The following LILRB3 variants were observed in gnomAD, a reference collection of about 807,000 sequenced individuals.
LILRB3 encodes the protein leukocyte immunoglobulin-like receptor subfamily B member 3.
In LILRB3, 32 loss-of-function variants were observed where a neutral mutation model predicts 68.2. The ratio of observed to expected loss-of-function variants is 0.47; its 90% CI spans 0.35 to 0.63. The LOEUF is 0.63. Among genes scored for constraint, LILRB3 ranks in the 30% least tolerant of loss-of-function variants. LILRB3 has a pLI of 0.00. For synonymous variants in LILRB3, 185 were observed against 323.1 expected, an observed-to-expected ratio of 0.57 and a Z score of 4.58; for missense variants, 502 against 791.3, an observed-to-expected ratio of 0.63 and a Z score of 4.39.
chr19:54,216,846 T>G, exon 13 of LILRB3: 3 of 1,383,432 alleles, frequency 2.2e-6, no homozygotes, highest in East Asian at 2.7e-5. Context: ...TTACGTCTGT[T>G]TTTGTTTTTT....
chr19:54,218,406 A>G (rs1132609), exon 11 of LILRB3: 1,149,625 of 1,613,964 alleles, frequency 0.71, 414,866 homozygotes, highest in African/African-American at 0.95. Context: ...TGTCCTTCAC[A>G]GCAGCATCTG....
chr19:54,216,850 G>GT (rs1013464270), exon 13 of LILRB3: 1 of 1,410,410 alleles, frequency 7.1e-7, no homozygotes, highest in Non-Finnish European at 9.2e-7. Flanking sequence ...GTCTGTTTTT[G>GT]TTTTTTGTTT....
intron 7 of LILRB3, chr19:54,219,461 G>C: frequency 1.3e-6 from 2 of 1,542,244 alleles, no homozygotes; most frequent in Non-Finnish European, 8.8e-7. Flanking sequence ...AAGCGGCAGA[G>C]CTGGGAAGGG....
At chr19:54,216,546 A>C (rs138539969) in exon 13 of LILRB3, 4 of 793,118 alleles carry the variant, frequency 5.0e-6, no homozygotes, top group Non-Finnish European at 6.1e-6. Context: ...TCCTGACCTC[A>C]TGATCCGCCC....
exon 13 of LILRB3, chr19:54,217,190 C>A (rs773095915): frequency 3.7e-6 from 6 of 1,611,294 alleles, no homozygotes; most frequent in Non-Finnish European, 5.1e-6. Flanking sequence ...AAGGGTCAAG[C>A]TGTGCAGCTG....
rs1359189486 is a variant in LILRB3 at position 54,219,977 on chromosome 19, C to T, written c.1309+178G>A. ...TGTCTTGCCCCCCACATCAGCCCGG[C>T]TCCTCCTCCTGGCTGGGCCCCAACA... On this transcript the variant is annotated intron_variant, in intron 7 of 12. Coordinates refer to ENST00000445347, the Ensembl canonical transcript of LILRB3. 1.3e-5 allele frequency: 17 copies of T among 1,277,558 alleles called. 1 individual carries two copies. The highest frequency in any genetic ancestry group is 1.9e-4 in the Middle Eastern group (1 of 5,140). The allele number at this position is 1,277,558 out of a possible 1,614,324, so 79.1% of individuals were successfully genotyped here. A position where few individuals can be genotyped will look rare whatever the true frequency, so the allele number is the denominator to read the frequency against.
At position 54,220,219 on chromosome 19, in the gene LILRB3, G is replaced by C; in HGVS notation, c.1259-14C>G. ...CTCCAGAGTGTCCTGGAAGGAGCAC[G>C]GGAGGCGGGTGAGGGGCGGGGGCCG... On this transcript the variant is annotated splice_polypyrimidine_tract_variant and intron_variant, in intron 6 of 12. Transcript: ENST00000445347. 1.4e-6 allele frequency: 2 copies of C among 1,408,816 alleles called. No homozygotes were observed. Among genetic ancestry groups the C allele is most frequent in the African/African-American group, 1.5e-5 (1 of 67,870 alleles). The allele number at this position is 1,408,816 out of a possible 1,614,324, so 87.3% of individuals were successfully genotyped here. A position where few individuals can be genotyped will look rare whatever the true frequency, so the allele number is the denominator to read the frequency against.
At position 54,218,899 on chromosome 19, in the gene LILRB3, C is replaced by A. The variant is rs536230247; in HGVS notation, c.1427-61G>T. On this transcript the variant is annotated intron_variant, in intron 8 of 12. Transcript: ENST00000445347. ...CATTAGAACTCCCATTCTACACATG[C>A]AACTTGAGGGAAAGAAGGAAAACTA... The A allele has an allele frequency of 5.6e-6, 9 of 1,605,614 alleles. No homozygotes were observed. In the African/African-American group the frequency reaches 1.1e-4, roughly 19 times the overall value.
At chr19:54,217,233 C>T (rs2077550190) in exon 13 of LILRB3, 2 of 1,607,890 alleles carry the variant, frequency 1.2e-6, no homozygotes, top group Non-Finnish European at 1.7e-6. Context: ...GCTTCAGATG[C>T]AGCAGCCTGC....
chr19:54,217,241 T>C lies in LILRB3; in HGVS notation c.1750-2A>G, dbSNP rs2077552184. 1 of 1,572,098 alleles carries C rather than the reference T, an allele frequency of 6.4e-7. No individual in the cohort carries two copies. The highest frequency in any genetic ancestry group is 1.5e-5 in the African/African-American group (1 of 65,160). On this transcript the variant is annotated splice_acceptor_variant, in intron 12 of 12. Coordinates refer to ENST00000445347, the Ensembl canonical transcript of LILRB3. LOFTEE classifies it high-confidence loss of function. ...CTGGGAGGCTTCAGATGCAGCAGCC[T>C]GCAGCGGGGGAGAGTGAGAGGTAAG...
intron 8 of LILRB3, 141 bp downstream of exon 8, chr19:54,218,988 G>T: frequency 6.6e-7 from 1 of 1,525,070 alleles, no homozygotes; most frequent in Non-Finnish European, 8.8e-7. Flanking sequence ...CATGAATACT[G>T]AAGTTTGTAA....
At chr19:54,219,360 A>T in intron 7 of LILRB3, 115 bp from the exon 8 acceptor site, 1 of 1,472,928 alleles carries the variant, frequency 6.8e-7, no homozygotes, top group Non-Finnish European at 9.2e-7. Context: ...GCAGTCGTGC[A>T]ACATGGAATT....
chr19:54,219,420 G>A (rs1308912761), intron 7 of LILRB3, 175 bp from the exon 8 acceptor site: 1 of 1,491,198 alleles, frequency 6.7e-7, no homozygotes, highest in African/African-American at 1.4e-5. Flanking sequence ...GCTCAGAGCA[G>A]GGAGTCGCCT....
chr19:54,219,638 T>C, intron 7 of LILRB3: 1 of 1,495,590 alleles, frequency 6.7e-7, no homozygotes, highest in Non-Finnish European at 8.9e-7. Flanking sequence ...GAATCGGGTC[T>C]GGGAGGTTCC....
chr19:54,221,884 G>C lies in LILRB3; in HGVS notation c.602C>G (p.Thr201Arg), dbSNP rs200325318. The C allele has an allele frequency of 5.4e-6, 8 of 1,494,048 alleles. 1 individual carries two copies. The African/African-American group carries it at 1.3e-4, about 25-fold the overall frequency. 92.5% of individuals were successfully genotyped at this position (1,494,048 alleles called of 1,614,324 possible). The change falls in exon 4 of 13, where the codon ACA (threonine) becomes AGA (arginine). Residue 201 changes from threonine (T) to arginine (R), a missense_variant. Coordinates refer to ENST00000445347, the Ensembl canonical transcript of LILRB3. ...GTGGGACCACACCCAGGGGGTGTTT[G>C]TATAATAGTAATAGCATGTGAACCT... is the stretch of plus-strand genomic sequence containing the variant.
At chr19:54,219,076 G>A (rs1389372475) in intron 8 of LILRB3, 53 bp downstream of exon 8, 1 of 1,546,230 alleles carries the variant, frequency 6.5e-7, no homozygotes, top group Non-Finnish European at 8.7e-7. Context: ...CCTCTGGCTG[G>A]TGCCCTGAGC....
chr19:54,219,752 C>A (rs117449986), intron 7 of LILRB3: 1 of 1,475,704 alleles, frequency 6.8e-7, no homozygotes, highest in Non-Finnish European at 9.0e-7. Context: ...AACTGAGGCC[C>A]AGGCAGGGGA....
At chr19:54,219,506 C>T (rs1228833031) in intron 7 of LILRB3, 21 of 1,550,304 alleles carry the variant, frequency 1.4e-5, no homozygotes, top group Non-Finnish European at 1.7e-5. Flanking sequence ...CTTGTTCCTG[C>T]ACCAGAGCCG....
rs765774310 is a variant in LILRB3, at chr19:54,222,969, G to T, written c.8C>A (p.Pro3His). The T allele has an allele frequency of 5.1e-5, 83 of 1,612,456 alleles. 2 individuals are homozygous for T. Among genetic ancestry groups the T allele is most frequent in the Non-Finnish European group, 6.9e-5 (81 of 1,179,874 alleles). ...AAGGCAGAGCAGGGCTGTGAGGGCGGGCGTCATGGCGTCTCCTCCCGGTGA... is the reference window on the plus strand; with the variant it reads ...AAGGCAGAGCAGGGCTGTGAGGGCGTGCGTCATGGCGTCTCCTCCCGGTGA... The change falls in exon 1 of 13, where the codon CCC becomes CAC. Residue 3 changes from proline to histidine, a missense_variant. Physicochemically the swap from Pro to His is moderately conservative, Grantham distance 77. Coordinates refer to ENST00000445347, the Ensembl canonical transcript of LILRB3.
Sources: gnomAD v4.1 joint callset for allele counts on GRCh38, gnomAD v4.1.1 for gene constraint, MANE v1.5 for transcripts, NCBI Gene and HGNC (gene_info 2026-07-23, HGNC 2026-07-21) for gene names.